The following EPHA3 variants were observed in gnomAD, a reference collection of about 807,000 sequenced individuals.
EPHA3 encodes the protein EPH receptor A3.
A neutral mutation model predicts 107.1 loss-of-function variants in EPHA3; 42 were observed. That is an observed-to-expected ratio of 0.39 (90% confidence interval 0.31 to 0.51). EPHA3 has a LOEUF of 0.51. Ranked by LOEUF, EPHA3 falls within the 20% of genes least tolerant of loss-of-function variation. The probability of loss-of-function intolerance (pLI) is 0.78; values close to 1 mark genes in which losing one functional copy is unlikely to be tolerated. For synonymous variants in EPHA3, 461 were observed against 424.8 expected, an observed-to-expected ratio of 1.09 and a Z score of -1.05; for missense variants, 1,183 against 1,211.2, an observed-to-expected ratio of 0.98 and a Z score of 0.35.
At chr3:89,161,696 G>T (rs1176657495) in intron 2 of EPHA3, among the ~76,000 whole-genome samples, 1 of 151,986 alleles carries the variant, frequency 6.6e-6, no homozygotes, top group Non-Finnish European at 1.5e-5. Context: ...ATCTGACTTT[G>T]TCTAGGCACA....
intron 2 of EPHA3, among the ~76,000 whole-genome samples, chr3:89,142,909 C>A (rs1704462989): frequency 6.6e-6 from 1 of 151,082 alleles, no homozygotes; most frequent in Non-Finnish European, 1.5e-5. Context: ...AGATTATGTT[C>A]AAAAAATTGA....
At chr3:89,313,603 G>A (rs1392407323) in intron 3 of EPHA3, among the ~76,000 whole-genome samples, 1 of 151,840 alleles carries the variant, frequency 6.6e-6, no homozygotes, top group Non-Finnish European at 1.5e-5. Context: ...GTTAAATATA[G>A]GAAATTTTCA....
intron 5 of EPHA3, among the ~76,000 whole-genome samples, chr3:89,344,822 A>T (rs1707606186): frequency 2.0e-5 from 3 of 152,274 alleles, no homozygotes; most frequent in South Asian, 4.1e-4. Context: ...GTGATGATCA[A>T]ATGATAAGGC....
chr3:89,232,076 A>G (rs1704648474), intron 3 of EPHA3, among the ~76,000 whole-genome samples: 1 of 152,138 alleles, frequency 6.6e-6, no homozygotes, highest in South Asian at 2.1e-4. Context: ...AGACAGGAGA[A>G]GGTCAGAAGG....
chr3:89,413,112 A>G (rs1709185310), intron 9 of EPHA3, 29 bp from the exon 10 acceptor site: 2 of 1,609,676 alleles, frequency 1.2e-6, no homozygotes, highest in African/African-American at 1.3e-5. Flanking sequence ...TCTAGCTACA[A>G]TTGCGCCTTT....
chr3:89,245,518 C>T (rs1378670293), intron 3 of EPHA3, among the ~76,000 whole-genome samples: 3 of 152,066 alleles, frequency 2.0e-5, no homozygotes, highest in African/African-American at 7.2e-5. Flanking sequence ...AAGTTATTTT[C>T]AGCTTGATTT....
At chr3:89,321,255 T>C (rs563439544) in intron 3 of EPHA3, among the ~76,000 whole-genome samples, 1 of 152,036 alleles carries the variant, frequency 6.6e-6, no homozygotes, top group Non-Finnish European at 1.5e-5. Context: ...CACCATCCAT[T>C]GGCTTTGAGA....
chr3:89,379,587 C>T (rs950302028), intron 5 of EPHA3, among the ~76,000 whole-genome samples: 5 of 151,972 alleles, frequency 3.3e-5, no homozygotes, highest in Admixed American at 6.6e-5. Flanking sequence ...TTCACTTTTT[C>T]GTATTATATT....
intron 2 of EPHA3, among the ~76,000 whole-genome samples, chr3:89,190,038 C>G (rs1026199240): frequency 1.3e-5 from 2 of 152,168 alleles, no homozygotes; most frequent in Non-Finnish European, 2.9e-5. Context: ...TCCTGTGCAA[C>G]AGTATTAAAC....
intron 10 of EPHA3, 105 bp from the exon 11 acceptor site, chr3:89,419,100 C>A: frequency 8.2e-7 from 1 of 1,213,322 alleles, no homozygotes; most frequent in South Asian, 1.7e-5. Context: ...AGGTCAAAGG[C>A]ACAAATATTT....
intron 3 of EPHA3, among the ~76,000 whole-genome samples, chr3:89,233,933 T>G (rs2107230091): frequency 6.6e-6 from 1 of 152,280 alleles, no homozygotes; most frequent in South Asian, 2.1e-4. Context: ...TCTCTTATCC[T>G]TTGTGAAGGC....
intron 3 of EPHA3, among the ~76,000 whole-genome samples, chr3:89,307,975 T>C (rs181782073): frequency 1.3e-5 from 2 of 152,310 alleles, no homozygotes; most frequent in Admixed American, 6.5e-5. Context: ...TACGATAGCA[T>C]CTAGAAATTA....
At chr3:89,150,356 T>A (rs1576185926) in intron 2 of EPHA3, among the ~76,000 whole-genome samples, 1 of 152,126 alleles carries the variant, frequency 6.6e-6, no homozygotes, top group South Asian at 2.1e-4. Flanking sequence ...TGATACATAT[T>A]CCCAAGATAT....
chr3:89,236,869 T>C (rs1462630631), intron 3 of EPHA3, among the ~76,000 whole-genome samples: 1 of 152,274 alleles, frequency 6.6e-6, no homozygotes, highest in South Asian at 2.1e-4. Context: ...TAGCCCAGTG[T>C]GTAGGGAGAC....
intron 3 of EPHA3, among the ~76,000 whole-genome samples, chr3:89,334,718 G>A (rs1257850458): frequency 1.3e-5 from 2 of 152,136 alleles, no homozygotes; most frequent in Admixed American, 6.5e-5. Context: ...CTGGGAATAC[G>A]TAATTACTTA....
At chr3:89,219,997 C>G (rs1421660237) in intron 3 of EPHA3, among the ~76,000 whole-genome samples, 2 of 151,856 alleles carry the variant, frequency 1.3e-5, no homozygotes, top group Non-Finnish European at 2.9e-5. Flanking sequence ...CGTGAGCCAC[C>G]GGGCAATGTT....
At chr3:89,366,476 G>T (rs1044771948) in intron 5 of EPHA3, among the ~76,000 whole-genome samples, 4 of 150,724 alleles carry the variant, frequency 2.7e-5, no homozygotes, top group Non-Finnish European at 5.9e-5. Flanking sequence ...ATTCTATGCG[G>T]GTGGTTGTAC....
intron 2 of EPHA3, among the ~76,000 whole-genome samples, chr3:89,137,568 C>A (rs1208041616): frequency 2.6e-5 from 4 of 151,920 alleles, no homozygotes; most frequent in Admixed American, 2.6e-4. Context: ...ACAACATAAA[C>A]CACCTTAAGT....
chr3:89,436,329 T>G (rs1709669483), intron 13 of EPHA3, among the ~76,000 whole-genome samples: 1 of 152,192 alleles, frequency 6.6e-6, no homozygotes. Context: ...TGCTGAGGCA[T>G]TCCTTTTGGA....
Sources: allele counts gnomAD v4.1 joint callset (sites outside exome capture counted in the v4.1 genomes callset), GRCh38; gene constraint gnomAD v4.1.1; transcripts MANE v1.5; gene names NCBI Gene and HGNC (gene_info 2026-07-23, HGNC 2026-07-21).